The following PPM1F variants were observed in gnomAD, a reference collection of about 807,000 sequenced individuals.
PPM1F encodes protein phosphatase, Mg2+/Mn2+ dependent 1F, also known as protein phosphatase 1F.
In PPM1F, 17 loss-of-function variants were observed where a neutral mutation model predicts 35.5. The ratio of observed to expected loss-of-function variants is 0.48; its 90% CI spans 0.33 to 0.72. The LOEUF (loss-of-function observed/expected upper bound fraction) is 0.72, where lower values mean the gene tolerates loss of function less well. PPM1F is among the 30% of genes least tolerant of loss of function. The probability of loss-of-function intolerance (pLI) is 0.02; values close to 1 mark genes in which losing one functional copy is unlikely to be tolerated. For missense variants in PPM1F, 521 were observed against 613.0 expected (o/e 0.85, Z 1.59); for synonymous variants, 241 against 255.5 (o/e 0.94, Z 0.54).
chr22:21,926,992 G>A (rs1226882611), intron 6 of PPM1F, among the ~76,000 whole-genome samples: 1 of 152,202 alleles, frequency 6.6e-6, no homozygotes, highest in Non-Finnish European at 1.5e-5. Context: ...TGGGTTTGCA[G>A]GAGTCCCGGC....
rs1479951896 is a variant in PPM1F at position 21,919,587 on chromosome 22, A to C, written c.*3505T>G. 2.6e-5 allele frequency: 4 copies of C among 152,616 alleles called. No homozygotes were observed. Among genetic ancestry groups the C allele is most frequent in the Non-Finnish European group, 5.9e-5 (4 of 68,052 alleles). 9.5% of individuals were successfully genotyped at this position (152,616 alleles called of 1,614,324 possible). The stretch of plus-strand genomic sequence containing the variant: ...CACAACTCCCATGCAGGAGAAGCCC[A>C]CCGAGACGAACGCAGATAAACCCTT... On this transcript the variant is annotated 3_prime_UTR_variant, in exon 8 of 8. Transcript: ENST00000263212.
intron 5 of PPM1F, 97 bp downstream of exon 5, chr22:21,933,294 C>T: frequency 1.3e-5 from 15 of 1,183,304 alleles, no homozygotes; most frequent in Non-Finnish European, 1.8e-5. Flanking sequence ...TGAGGACCTT[C>T]CAGCACCACC....
chr22:21,934,252 C>A, intron 3 of PPM1F, 26 bp from the exon 4 acceptor site: 1 of 1,535,752 alleles, frequency 6.5e-7, no homozygotes, highest in South Asian at 1.2e-5. Flanking sequence ...GAGGGATTGT[C>A]AGGGAAGTGC....
chr22:21,937,243 G>A (rs556567149), intron 3 of PPM1F: 5 of 152,746 alleles, frequency 3.3e-5, no homozygotes, highest in Admixed American at 2.0e-4. Context: ...GAAGGGCTGA[G>A]GCCAGAGGGG....
chr22:21,931,993 T>C (rs962094614), intron 5 of PPM1F, among the ~76,000 whole-genome samples: 1 of 151,868 alleles, frequency 6.6e-6, no homozygotes, highest in Non-Finnish European at 1.5e-5. Flanking sequence ...TTTTTTTTAA[T>C]TTTTAGTAGA....
intron 2 of PPM1F, chr22:21,945,467 G>T (rs1569132132): frequency 4.2e-6 from 1 of 236,006 alleles, no homozygotes; most frequent in African/African-American, 2.3e-5. Flanking sequence ...CACACACATG[G>T]GGAGATGCCG....
chr22:21,950,619 T>G (rs2070825989), intron 1 of PPM1F: 3 of 152,004 alleles, frequency 2.0e-5, no homozygotes, highest in Non-Finnish European at 4.4e-5. Context: ...GTTAACTGTT[T>G]TTTTTTGTTT....
chr22:21,952,289 A>T (rs2070847687), intron 1 of PPM1F: 1 of 152,208 alleles, frequency 6.6e-6, no homozygotes. Flanking sequence ...CGCTCGCTTC[A>T]CGGACGCTTG....
chr22:21,951,465 C>G (rs2070837901), intron 1 of PPM1F: 1 of 150,176 alleles, frequency 6.7e-6, no homozygotes, highest in African/African-American at 2.5e-5. Context: ...AAGCAATTCT[C>G]CTGCCTCAGC....
chr22:21,930,928 T>TC (rs932686471), intron 6 of PPM1F, among the ~76,000 whole-genome samples: 1 of 152,124 alleles, frequency 6.6e-6, no homozygotes, highest in African/African-American at 2.4e-5. Context: ...GGCTCTGCTC[T>TC]CCCCCGGAGC....
Position 21,923,266 on chromosome 22 carries a change from G to C in PPM1F, c.1191C>G (p.Ala397=). 6.2e-7 allele frequency: 1 copy of C among 1,613,422 alleles called. No homozygotes were observed. The highest frequency in any genetic ancestry group is 8.5e-7 in the Non-Finnish European group (1 of 1,179,948). The change falls in exon 8 of 8, where the codon GCC becomes GCG. Residue 397 remains alanine, a synonymous_variant. Transcript: ENST00000263212. Reference sequence around the variant, plus strand: ...TGTTGTCGTGGGAGCCCCGCTCCCGGGCCGCAGCCACCAGCTCCTCGGCGA... The same window carrying C: ...TGTTGTCGTGGGAGCCCCGCTCCCGCGCCGCAGCCACCAGCTCCTCGGCGA... ...LRVAEELVAA[A]RERGSHDNIT... is the part of the protein sequence containing the mutation.
intron 2 of PPM1F, chr22:21,945,116 T>C (rs1486574882): frequency 6.6e-6 from 1 of 152,304 alleles, no homozygotes; most frequent in Admixed American, 6.5e-5. Flanking sequence ...TTGTGTTCCC[T>C]AAAAGGTATG....
chr22:21,927,942 G>GTTTTTTGT (rs2070537275), intron 6 of PPM1F, among the ~76,000 whole-genome samples: 1 of 75,146 alleles, frequency 1.3e-5, no homozygotes, highest in African/African-American at 5.5e-5. Context: ...TTTTTGTTTT[G>GTTTTTTGT]TTTTTTTTTT....
chr22:21,945,521 G>A, intron 2 of PPM1F: 1 of 342,146 alleles, frequency 2.9e-6, no homozygotes, highest in Non-Finnish European at 5.5e-6. Context: ...ACAAGCCAAG[G>A]ACCTCCAGGA....
At chr22:21,928,655 T>C (rs1237661112) in intron 6 of PPM1F, among the ~76,000 whole-genome samples, 1 of 152,108 alleles carries the variant, frequency 6.6e-6, no homozygotes, top group Non-Finnish European at 1.5e-5. Context: ...TGAACATAGC[T>C]CACTGCAGCC....
intron 6 of PPM1F, among the ~76,000 whole-genome samples, chr22:21,928,317 C>A (rs1040385866): frequency 1.3e-5 from 2 of 152,192 alleles, no homozygotes; most frequent in Non-Finnish European, 2.9e-5. Context: ...TCTCCACCTG[C>A]AGAGCCGGGA....
chr22:21,928,202 A>G (rs1180843394), intron 6 of PPM1F, among the ~76,000 whole-genome samples: 1 of 152,100 alleles, frequency 6.6e-6, no homozygotes, highest in African/African-American at 2.4e-5. Flanking sequence ...TCCTGTGAAC[A>G]GCCATTTCCT....
chr22:21,938,595 A>C (rs1601787545), intron 3 of PPM1F: 10 of 1,029,500 alleles, frequency 9.7e-6, no homozygotes, highest in Non-Finnish European at 1.2e-5. Flanking sequence ...AAGGAAAGGA[A>C]ATGGCAAAGG....
chr22:21,940,475 A>G (rs867415613), intron 2 of PPM1F: 1 of 148,584 alleles, frequency 6.7e-6, no homozygotes, highest in Non-Finnish European at 1.5e-5. Flanking sequence ...GCTGTCTCCA[A>G]AAAAAAAAAA....
Sources: allele counts gnomAD v4.1 joint callset (sites outside exome capture counted in the v4.1 genomes callset), GRCh38; gene constraint gnomAD v4.1.1; transcripts MANE v1.5; gene names NCBI Gene and HGNC (gene_info 2026-07-23, HGNC 2026-07-21).